Variants in IMMP2L observed in about 807,000 individuals in gnomAD.
IMMP2L encodes the protein inner mitochondrial membrane peptidase subunit 2.
In IMMP2L, 18 loss-of-function variants were observed where a neutral mutation model predicts 19.3. That is an observed-to-expected ratio of 0.93 (90% CI 0.64 to 1.38). The LOEUF is 1.38. Ranked by LOEUF, IMMP2L falls within the 40% of genes most tolerant of loss-of-function variation. The pLI is 0.00. For missense variants in IMMP2L, 233 were observed against 218.2 expected, an observed-to-expected ratio of 1.07 and a Z score of -0.43; for synonymous variants, 76 against 73.0, an observed-to-expected ratio of 1.04 and a Z score of -0.21.
intron 5 of IMMP2L, chr7:110,665,007 G>A (rs1791345575): frequency 6.6e-6 from 1 of 152,036 alleles, no homozygotes; most frequent in Admixed American, 6.6e-5. Flanking sequence ...TGGATGTCAG[G>A]GAAGGCTTCC....
intron 5 of IMMP2L, among the ~76,000 whole-genome samples, chr7:110,755,340 G>C (rs1189221149): frequency 6.6e-6 from 1 of 152,016 alleles, no homozygotes; most frequent in African/African-American, 2.4e-5. Context: ...GCTGCCATTA[G>C]TAATTTCTAG....
chr7:111,269,863 GC>G (rs1818258504), intron 3 of IMMP2L, among the ~76,000 whole-genome samples: 1 of 151,942 alleles, frequency 6.6e-6, no homozygotes, highest in South Asian at 2.1e-4. Flanking sequence ...ACCATTTTTG[GC>G]TACCTATACC....
At chr7:111,239,801 T>C (rs558513300) in intron 3 of IMMP2L, among the ~76,000 whole-genome samples, 46 of 152,106 alleles carry the variant, frequency 3.0e-4, no homozygotes, top group African/African-American at 6.3e-4. Context: ...TTTGTTTCAA[T>C]AGACTATTTA....
intron 3 of IMMP2L, among the ~76,000 whole-genome samples, chr7:111,387,995 A>G (rs948677031): frequency 7.3e-5 from 11 of 151,218 alleles, no homozygotes; most frequent in South Asian, 6.2e-4. Flanking sequence ...AAAAAAAAAA[A>G]AAAACTAAAA....
chr7:111,130,625 C>T (rs1285179385), intron 3 of IMMP2L, among the ~76,000 whole-genome samples: 1 of 152,052 alleles, frequency 6.6e-6, no homozygotes, highest in Non-Finnish European at 1.5e-5. Flanking sequence ...TTAATCCTCA[C>T]ATTGAGAGAA....
rs140474705 is a variant in IMMP2L at position 111,436,055 on chromosome 7, A to G, written c.239+51183T>C. Among the ~76,000 whole-genome samples the G allele has an allele frequency of 2.2e-3, 328 of 151,858 alleles. 10 individuals carry two copies. Among genetic ancestry groups the G allele is most frequent in the African/African-American group, 7.5e-3 (309 of 41,208 alleles). ...TCCTGCCAGACCTCTGTGGACTTCA[A>G]TTAGATGGCACTATGTTTGAGAGGC... On this transcript the variant is annotated intron_variant, in intron 3 of 5. Coordinates refer to ENST00000405709, the MANE Select transcript of IMMP2L (RefSeq NM_032549.4).
At chr7:111,355,294 A>G (rs1828586545) in intron 3 of IMMP2L, among the ~76,000 whole-genome samples, 1 of 151,874 alleles carries the variant, frequency 6.6e-6, no homozygotes, top group African/African-American at 2.4e-5. Context: ...ACATAATAAT[A>G]CTAATGCATG....
chr7:110,789,070 G>T (rs564043825), intron 5 of IMMP2L, among the ~76,000 whole-genome samples: 1 of 151,822 alleles, frequency 6.6e-6, no homozygotes, highest in East Asian at 1.9e-4. Context: ...TGTTCCAGCT[G>T]ACAAACTAGC....
chr7:110,924,250 T>C lies in IMMP2L; in HGVS notation c.306-37555A>G, dbSNP rs1563084288. ...CCCAGTGTGTCTTTAATTTCCTTTA[T>C]TACAGCAAAATTGAGAAGAGGCTTC... is the stretch of plus-strand genomic sequence containing the variant. On this transcript the variant is annotated intron_variant, in intron 4 of 5. Coordinates refer to ENST00000405709, the MANE Select transcript of IMMP2L (RefSeq NM_032549.4). The surrounding 1 kb of genome is among the most constrained non-coding windows in gnomAD (Gnocchi z 4.2). 6.6e-6 allele frequency among the ~76,000 whole-genome samples: 1 copy of C among 152,200 alleles called. No individual in the cohort carries two copies. The highest frequency in any genetic ancestry group is 1.5e-5 in the Non-Finnish European group (1 of 68,022).
intron 3 of IMMP2L, among the ~76,000 whole-genome samples, chr7:111,437,010 G>A (rs559700799): frequency 1.2e-4 from 18 of 151,762 alleles, no homozygotes; most frequent in East Asian, 1.9e-4. Flanking sequence ...TTAGGGATCC[G>A]CCCCCATGAC....
intron 4 of IMMP2L, among the ~76,000 whole-genome samples, chr7:110,898,853 G>A (rs954246335): frequency 3.4e-5 from 5 of 148,654 alleles, no homozygotes; most frequent in African/African-American, 1.2e-4. Flanking sequence ...AATCTACACA[G>A]TCATTACAAT....
intron 4 of IMMP2L, among the ~76,000 whole-genome samples, chr7:110,913,245 G>A (rs1209995499): frequency 6.6e-6 from 1 of 152,096 alleles, no homozygotes; most frequent in Non-Finnish European, 1.5e-5. Flanking sequence ...CTATGTACAT[G>A]CCCAGCTAAA....
intron 3 of IMMP2L, among the ~76,000 whole-genome samples, chr7:111,163,450 C>A (rs1325813817): frequency 6.6e-6 from 1 of 152,082 alleles, no homozygotes; most frequent in African/African-American, 2.4e-5. Flanking sequence ...AGTGCTTTAA[C>A]TAGTGTCTAG....
chr7:110,860,693 A>G (rs1171852403), intron 5 of IMMP2L, among the ~76,000 whole-genome samples: 1 of 152,140 alleles, frequency 6.6e-6, no homozygotes, highest in East Asian at 1.9e-4. Flanking sequence ...TTCACAAATT[A>G]TAGAGTTTAA....
chr7:111,475,842 G>T (rs1206273145), intron 3 of IMMP2L, among the ~76,000 whole-genome samples: 2 of 152,004 alleles, frequency 1.3e-5, no homozygotes, highest in Non-Finnish European at 2.9e-5. Flanking sequence ...ATCTTTATAA[G>T]TATATATTCA....
chr7:110,905,009 A>G (rs1266286125), intron 4 of IMMP2L, among the ~76,000 whole-genome samples: 2 of 152,162 alleles, frequency 1.3e-5, no homozygotes, highest in African/African-American at 2.4e-5. Flanking sequence ...ATCAGATAAA[A>G]TATGCTTACT....
chr7:111,487,915 A>C (rs1388580476), intron 2 of IMMP2L, among the ~76,000 whole-genome samples: 1 of 152,144 alleles, frequency 6.6e-6, no homozygotes, highest in Non-Finnish European at 1.5e-5. Context: ...TTTGAGCCTA[A>C]TAAGGGGCTT....
intron 5 of IMMP2L, among the ~76,000 whole-genome samples, chr7:110,800,937 G>A (rs1002120198): frequency 1.3e-5 from 2 of 152,022 alleles, no homozygotes; most frequent in African/African-American, 4.8e-5. Context: ...ATAAATGGGG[G>A]CCACTGTTCA....
Position 110,934,015 on chromosome 7 carries a change from G to A in IMMP2L, c.305+29485C>T, listed in dbSNP as rs1283805650. Among the ~76,000 whole-genome samples the A allele has an allele frequency of 4.6e-5, 7 of 152,210 alleles. No homozygotes were observed. In the East Asian group the frequency reaches 9.7e-4, roughly 21 times the overall value. On this transcript the variant is annotated intron_variant, in intron 4 of 5. Transcript: ENST00000405709. The stretch of plus-strand genomic sequence containing the variant: ...TCCCTCTAAACACCGCATTAGCTGT[G>A]TCCAGAGATTCTGGTACGTTGTTTC...
Sources: gnomAD v4.1 joint callset for allele counts (sites outside exome capture counted in the v4.1 genomes callset) on GRCh38, gnomAD v4.1.1 for gene constraint, Gnocchi (gnomAD v3.1) non-coding constraint, MANE v1.5 for transcripts, NCBI Gene and HGNC (gene_info 2026-07-23, HGNC 2026-07-21) for gene names.